DNAH8: variants seen among roughly 807,000 people sequenced by gnomAD.
DNAH8 encodes dynein axonemal heavy chain 8, also known as axonemal beta dynein heavy chain 8.
In DNAH8, 382 loss-of-function variants were observed where a neutral mutation model predicts 562.1. The ratio of observed to expected loss-of-function variants is 0.68; its 90% CI spans 0.63 to 0.74. DNAH8 has a LOEUF of 0.74. DNAH8 is among the 30% of genes least tolerant of loss of function. The pLI is 0.00. For missense variants in DNAH8, 5,203 were observed against 5,620.4 expected, an observed-to-expected ratio of 0.93 and a Z score of 2.37; for synonymous variants, 1,881 against 1,919.4, an observed-to-expected ratio of 0.98 and a Z score of 0.52.
At position 38,951,398 on chromosome 6, in the gene DNAH8, T is replaced by C; in HGVS notation, c.12329T>C (p.Val4110Ala). Residue 4110 changes from valine (V) to alanine (A), a missense_variant, in exon 82 of 93, where the codon GTT (valine) becomes GCT (alanine). Physicochemically the swap from Val to Ala is moderately conservative, Grantham distance 64 (BLOSUM62 0). Around this residue, in one of 6 missense-constraint regions of DNAH8, gnomAD observed 1,399 missense variants for 1,518.4 expected, o/e 0.92. Coordinates refer to ENST00000327475, the MANE Select transcript of DNAH8 (RefSeq NM_001206927.2). ...TTGGAGGAGAAGTACACAGAACCAGTTATCTTAAATCTGGAGAAAACTTGG... is the reference window on the plus strand; with the variant it reads ...TTGGAGGAGAAGTACACAGAACCAGCTATCTTAAATCTGGAGAAAACTTGG... ...DSLEEKYTEP[V>A]ILNLEKTWEE... 1.2e-6 allele frequency: 2 copies of C among 1,614,084 alleles called. No homozygotes were observed. The highest frequency in any genetic ancestry group is 1.7e-6 in the Non-Finnish European group (2 of 1,179,966).
At chr6:38,952,668 G>A (rs1418872387) in intron 82 of DNAH8, among the ~76,000 whole-genome samples, 1 of 152,082 alleles carries the variant, frequency 6.6e-6, no homozygotes, top group African/African-American at 2.4e-5. Flanking sequence ...ACGGTAGCAT[G>A]GTCCATGTTC....
chr6:38,800,181 T>C (rs1173571135), intron 21 of DNAH8, among the ~76,000 whole-genome samples: 1 of 152,218 alleles, frequency 6.6e-6, no homozygotes. Context: ...TTTTGGCTAC[T>C]GTAAAGAATG....
At position 38,783,011 on chromosome 6, in the gene DNAH8, C is replaced by G; in HGVS notation, c.2267C>G (p.Ser756Ter). ...SEPINYFFKN[S>*]DILSSPDGKA... Reference sequence around the variant, plus strand: ...TTTCCCTTAAAAAAACAGAAAAACTCAGACATTTTATCAAGTCCGGACGGT... The same window carrying G: ...TTTCCCTTAAAAAAACAGAAAAACTGAGACATTTTATCAAGTCCGGACGGT... The change falls in exon 17 of 93, where the codon TCA (serine) becomes TGA (stop). Residue 756 changes from serine to a stop codon, truncating the protein, a stop_gained. Coordinates refer to ENST00000327475, the MANE Select transcript of DNAH8 (RefSeq NM_001206927.2). LOFTEE classifies it high-confidence loss of function. 1.9e-6 allele frequency: 3 copies of G among 1,610,552 alleles called. No individual in the cohort carries two copies. The highest frequency in any genetic ancestry group is 2.5e-6 in the Non-Finnish European group (3 of 1,179,098).
chr6:38,986,430 A>G (rs1244427236), intron 87 of DNAH8, among the ~76,000 whole-genome samples: 2 of 152,216 alleles, frequency 1.3e-5, no homozygotes, highest in Non-Finnish European at 2.9e-5. Context: ...GTACACTTAA[A>G]TAGATGCCCT....
chr6:38,856,765 C>A (rs1776235445), intron 41 of DNAH8, among the ~76,000 whole-genome samples: 1 of 152,106 alleles, frequency 6.6e-6, no homozygotes, highest in Non-Finnish European at 1.5e-5. Flanking sequence ...AAGCAGTATC[C>A]ACATACTGCC....
chr6:38,920,911 G>T (rs1484846851), intron 70 of DNAH8, among the ~76,000 whole-genome samples: 1 of 151,996 alleles, frequency 6.6e-6, no homozygotes, highest in African/African-American at 2.4e-5. Flanking sequence ...ATTTTTTTGA[G>T]ACAGGGTCTC....
intron 60 of DNAH8, 101 bp from the exon 61 acceptor site, chr6:38,898,157 T>A: frequency 9.7e-7 from 1 of 1,036,064 alleles, no homozygotes; most frequent in South Asian, 1.6e-5. Flanking sequence ...TAAAAAAAGA[T>A]ATGTATATTT....
Position 39,009,073 on chromosome 6 carries a change from G to A in DNAH8, c.13371+103G>A, listed in dbSNP as rs28360624. 120,441 of 788,618 alleles carry A rather than the reference G, an allele frequency of 0.15. 10,234 individuals carry two copies. Among genetic ancestry groups the A allele is most frequent in the Middle Eastern group, 0.22 (815 of 3,748 alleles). 48.9% of individuals were successfully genotyped at this position (788,618 alleles called of 1,614,324 possible). A position where few individuals can be genotyped will look rare whatever the true frequency, so the allele number is the denominator to read the frequency against. ...AAGAAATCTACCTGTTGGTGACTAT[G>A]TGGCAGATTACCTGTGTGAAAAATT... On this transcript the variant is annotated intron_variant, in intron 89 of 92. Transcript: ENST00000327475.
At position 39,026,660 on chromosome 6, in the gene DNAH8, C is replaced by T. The variant is rs1173291536; in HGVS notation, c.13829C>T (p.Pro4610Leu). 31 of 1,613,136 alleles carry T rather than the reference C, an allele frequency of 1.9e-5. No individual in the cohort carries two copies. The highest frequency in any genetic ancestry group is 2.7e-5 in the African/African-American group (2 of 74,882). Reference sequence around the variant, plus strand: ...CAGACCAAGGAGGAGATCACGTCACCCCCTGGGGTAGGCGTTGCTGGGCAA... The same window carrying T: ...CAGACCAAGGAGGAGATCACGTCACTCCCTGGGGTAGGCGTTGCTGGGCAA... Reference protein sequence around the residue: ...LRQTKEEITSPPGEGVYIYGL... With the variant: ...LRQTKEEITSLPGEGVYIYGL... The change falls in exon 92 of 93, where the codon CCC becomes CTC. Residue 4610 changes from proline (P) to leucine (L), a missense_variant. Pro to Leu is a moderately conservative substitution (Grantham distance 98). This residue lies in a region of DNAH8 where 1,399 missense variants were observed against 1,518.4 expected (regional missense o/e 0.92). Coordinates refer to ENST00000327475, the MANE Select transcript of DNAH8 (RefSeq NM_001206927.2).
intron 87 of DNAH8, among the ~76,000 whole-genome samples, chr6:38,988,059 G>A (rs1218649450): frequency 1.3e-5 from 2 of 152,130 alleles, no homozygotes; most frequent in African/African-American, 4.8e-5. Flanking sequence ...ATCCAGAGTT[G>A]CCCATGGGAG....
chr6:38,826,572 T>C (rs747224346), intron 29 of DNAH8, among the ~76,000 whole-genome samples, 181 bp downstream of exon 29: 6 of 152,216 alleles, frequency 3.9e-5, no homozygotes, highest in Non-Finnish European at 8.8e-5. Flanking sequence ...GTGAACAGTA[T>C]ACAAAAGACA....
chr6:38,786,008 G>A (rs969922840), intron 17 of DNAH8, among the ~76,000 whole-genome samples: 2 of 152,212 alleles, frequency 1.3e-5, no homozygotes, highest in Non-Finnish European at 2.9e-5. Context: ...CATGTTAGTA[G>A]TGTTTGTTAA....
chr6:39,029,002 C>T (rs933352514), intron 92 of DNAH8, among the ~76,000 whole-genome samples: 3 of 152,178 alleles, frequency 2.0e-5, no homozygotes, highest in Admixed American at 6.5e-5. Context: ...GATGGAAAAA[C>T]GGTCACCATC....
chr6:38,715,944 A>ATTT (rs1762276084), intron 1 of DNAH8, among the ~76,000 whole-genome samples: 1 of 22,458 alleles, frequency 4.5e-5, no homozygotes, highest in African/African-American at 2.4e-4. Flanking sequence ...ATATATATAT[A>ATTT]TATATATATA....
At chr6:39,027,234 T>TAATA (rs575056558) in intron 92 of DNAH8, among the ~76,000 whole-genome samples, 54 of 151,258 alleles carry the variant, frequency 3.6e-4, no homozygotes, top group South Asian at 1.7e-3. Flanking sequence ...GACCCTGTCT[T>TAATA]AATAAATAAA....
intron 79 of DNAH8, among the ~76,000 whole-genome samples, chr6:38,941,075 A>G (rs1174261084): frequency 6.6e-6 from 1 of 151,852 alleles, no homozygotes; most frequent in Non-Finnish European, 1.5e-5. Flanking sequence ...AGCAGAGATC[A>G]TGCCACTGCA....
At chr6:38,767,541 T>G (rs919793561) in intron 11 of DNAH8, among the ~76,000 whole-genome samples, 2 of 152,198 alleles carry the variant, frequency 1.3e-5, no homozygotes, top group African/African-American at 4.8e-5. Context: ...CTCAAATAAG[T>G]GGAATTAAAC....
At chr6:38,763,961 G>A (rs1225810242) in intron 11 of DNAH8, 5 of 153,664 alleles carry the variant, frequency 3.3e-5, no homozygotes, top group Non-Finnish European at 1.5e-5. Context: ...GCAAAGAAGG[G>A]AAAAGATATC....
intron 12 of DNAH8, among the ~76,000 whole-genome samples, chr6:38,772,137 T>C (rs1767639034): frequency 6.6e-6 from 1 of 151,184 alleles, no homozygotes; most frequent in Non-Finnish European, 1.5e-5. Context: ...CACGACATTC[T>C]CCTGCCTCAG....
Sources: allele counts gnomAD v4.1 joint callset (sites outside exome capture counted in the v4.1 genomes callset), GRCh38; gene constraint gnomAD v4.1.1; regional missense constraint gnomAD v4.1.1; transcripts MANE v1.5; gene names NCBI Gene and HGNC (gene_info 2026-07-23, HGNC 2026-07-21).